The following SLC44A5 variants were observed in gnomAD, a reference collection of about 807,000 sequenced individuals.
SLC44A5 encodes the protein solute carrier family 44 member 5.
SLC44A5 carries 57 observed loss-of-function variants against 101.8 expected under a neutral mutation model. The observed-to-expected ratio is 0.56, with a 90% CI of 0.45 to 0.70. The LOEUF (loss-of-function observed/expected upper bound fraction) is 0.70. SLC44A5 is among the 30% of genes least tolerant of loss of function. SLC44A5 has a pLI of 0.00. For missense variants in SLC44A5, 737 were observed against 853.1 expected, an observed-to-expected ratio of 0.86 and a Z score of 1.70; for synonymous variants, 281 against 290.9, an observed-to-expected ratio of 0.97 and a Z score of 0.35.
chr1:75,517,637 C>T (rs1040901473), intron 2 of SLC44A5, among the ~76,000 whole-genome samples: 1 of 152,112 alleles, frequency 6.6e-6, no homozygotes, highest in Non-Finnish European at 1.5e-5. Flanking sequence ...CTGCATGCAA[C>T]AGGAAGGATT....
intron 2 of SLC44A5, among the ~76,000 whole-genome samples, chr1:75,461,567 T>C (rs1046271490): frequency 6.6e-6 from 1 of 152,198 alleles, no homozygotes; most frequent in Non-Finnish European, 1.5e-5. Context: ...AGCTCTTTCC[T>C]AGCAAAAGAA....
intron 2 of SLC44A5, among the ~76,000 whole-genome samples, chr1:75,462,924 A>C (rs927712675): frequency 2.6e-5 from 4 of 152,164 alleles, no homozygotes; most frequent in African/African-American, 9.7e-5. Flanking sequence ...CAAATCTAAT[A>C]GTTATTGGCT....
chr1:75,376,333 C>A (rs1289140484), intron 3 of SLC44A5, among the ~76,000 whole-genome samples: 1 of 152,228 alleles, frequency 6.6e-6, no homozygotes, highest in Non-Finnish European at 1.5e-5. Context: ...GTGGAGCCCA[C>A]CACAGCTCAA....
At chr1:75,704,044 T>G in the SLC44A5 span, among the ~76,000 whole-genome samples, 14 of 151,960 alleles carry the variant, frequency 9.2e-5, no homozygotes, top group East Asian at 7.8e-4. Flanking sequence ...TAATTAATAA[T>G]TAAAAATAAA....
intron 2 of SLC44A5, among the ~76,000 whole-genome samples, chr1:75,536,317 C>T (rs1273935631): frequency 1.3e-5 from 2 of 151,786 alleles, no homozygotes; most frequent in Admixed American, 1.3e-4. Flanking sequence ...ATGCCTGGCC[C>T]GGCCAGACGC....
At chr1:75,275,527 C>A (rs183850274) in intron 5 of SLC44A5, among the ~76,000 whole-genome samples, 1 of 152,178 alleles carries the variant, frequency 6.6e-6, no homozygotes, top group East Asian at 1.9e-4. Context: ...TTTATGATTT[C>A]ATGTGACATT....
chr1:75,666,817 C>G, the SLC44A5 span, among the ~76,000 whole-genome samples: 1 of 152,200 alleles, frequency 6.6e-6, no homozygotes, highest in Non-Finnish European at 1.5e-5. Flanking sequence ...ATCACATAAA[C>G]AGAACCCATG....
intron 2 of SLC44A5, among the ~76,000 whole-genome samples, chr1:75,448,379 G>A (rs1665708689): frequency 6.6e-6 from 1 of 152,148 alleles, no homozygotes; most frequent in Non-Finnish European, 1.5e-5. Context: ...TTAGGAGGGG[G>A]CCCGAATGTT....
At chr1:75,387,087 G>T (rs929121183) in intron 3 of SLC44A5, among the ~76,000 whole-genome samples, 1 of 152,112 alleles carries the variant, frequency 6.6e-6, no homozygotes, top group Admixed American at 6.5e-5. Context: ...TTACAAGTTA[G>T]ACCTAAAACC....
At chr1:75,668,547 C>T in the SLC44A5 span, among the ~76,000 whole-genome samples, 1 of 150,948 alleles carries the variant, frequency 6.6e-6, no homozygotes, top group East Asian at 1.9e-4. Context: ...GTCTCCAGCT[C>T]CTGGGTTCAA....
intron 2 of SLC44A5, among the ~76,000 whole-genome samples, chr1:75,469,645 A>G (rs1422745627): frequency 6.6e-6 from 1 of 152,180 alleles, no homozygotes; most frequent in Non-Finnish European, 1.5e-5. Context: ...CAGACTGAGC[A>G]CAGTGGCTTA....
chr1:75,539,088 T>C (rs529248639), intron 2 of SLC44A5, among the ~76,000 whole-genome samples: 4 of 152,298 alleles, frequency 2.6e-5, no homozygotes, highest in African/African-American at 9.6e-5. Flanking sequence ...ACACCAAAAC[T>C]TAAATAGTCT....
chr1:75,424,506 C>T (rs867650028), intron 2 of SLC44A5, among the ~76,000 whole-genome samples: 1 of 152,080 alleles, frequency 6.6e-6, no homozygotes, highest in Non-Finnish European at 1.5e-5. Flanking sequence ...GGTTTCACCA[C>T]GTTGACCAGG....
chr1:75,697,786 T>C, the SLC44A5 span, among the ~76,000 whole-genome samples: 1 of 152,164 alleles, frequency 6.6e-6, no homozygotes, highest in African/African-American at 2.4e-5. Flanking sequence ...CGCAGGTCAG[T>C]GGGTGCATGC....
At chr1:75,374,803 G>C (rs1660464968) in intron 3 of SLC44A5, among the ~76,000 whole-genome samples, 1 of 152,140 alleles carries the variant, frequency 6.6e-6, no homozygotes, top group African/African-American at 2.4e-5. Flanking sequence ...AATGAAGCCA[G>C]TACTATACAC....
intron 3 of SLC44A5, among the ~76,000 whole-genome samples, chr1:75,391,293 G>C (rs1661770785): frequency 6.6e-6 from 1 of 152,104 alleles, no homozygotes; most frequent in African/African-American, 2.4e-5. Context: ...GCAATATACA[G>C]ATTCAACATT....
intron 2 of SLC44A5, among the ~76,000 whole-genome samples, chr1:75,430,321 A>G (rs1664544331): frequency 6.6e-6 from 1 of 152,158 alleles, no homozygotes; most frequent in South Asian, 2.1e-4. Context: ...CCAGTCACTC[A>G]CTAGATACAG....
intron 2 of SLC44A5, among the ~76,000 whole-genome samples, chr1:75,483,559 C>T (rs1286723939): frequency 1.3e-5 from 2 of 152,038 alleles, no homozygotes; most frequent in Non-Finnish European, 2.9e-5. Flanking sequence ...AAGTAGATTT[C>T]CCCTTCTTTT....
At chr1:75,429,226 G>A (rs1014113226) in intron 2 of SLC44A5, among the ~76,000 whole-genome samples, 1 of 152,130 alleles carries the variant, frequency 6.6e-6, no homozygotes, top group African/African-American at 2.4e-5. Flanking sequence ...AGGAAAATAG[G>A]AATCATCATC....
Sources: gnomAD v4.1 joint callset for allele counts (sites outside exome capture counted in the v4.1 genomes callset) on GRCh38, gnomAD v4.1.1 for gene constraint, MANE v1.5 for transcripts, NCBI Gene and HGNC (gene_info 2026-07-23, HGNC 2026-07-21) for gene names.